MYO5A: variants seen among roughly 807,000 people sequenced by gnomAD.
MYO5A encodes unconventional myosin-Va.
Under a neutral mutation model 249.7 loss-of-function variants are expected in MYO5A, and 98 were observed. The observed-to-expected ratio is 0.39, with a 90% CI of 0.33 to 0.46. MYO5A has a LOEUF of 0.46. Ranked by LOEUF, MYO5A falls within the 20% of genes least tolerant of loss-of-function variation. The probability of loss-of-function intolerance (pLI) is 0.98; values close to 1 mark genes in which losing one functional copy is unlikely to be tolerated. For missense variants in MYO5A, 1,696 were observed against 2,308.8 expected (o/e 0.73, Z 5.44); for synonymous variants, 778 against 810.6 (o/e 0.96, Z 0.68).
chr15:52,326,081 T>C (rs1053415532), intron 36 of MYO5A, among the ~76,000 whole-genome samples: 3 of 152,204 alleles, frequency 2.0e-5, no homozygotes, highest in Non-Finnish European at 4.4e-5. Context: ...TTAGGGCCGA[T>C]GGCAAAAAAC....
intron 3 of MYO5A, among the ~76,000 whole-genome samples, chr15:52,426,959 T>C (rs1475866476): frequency 6.6e-6 from 1 of 151,838 alleles, no homozygotes; most frequent in East Asian, 1.9e-4. Context: ...CAGACAAGAC[T>C]TCACTGAGAA....
intron 8 of MYO5A, 33 bp downstream of exon 8, chr15:52,407,259 C>T (rs1191165515): frequency 6.7e-7 from 1 of 1,487,356 alleles, no homozygotes; most frequent in Non-Finnish European, 9.4e-7. Context: ...AAAAGCTATT[C>T]CTCTTAAGAG....
rs766253722 is a variant in MYO5A at position 52,340,303 on chromosome 15, TCTC to T, written c.4129_4131del (p.Glu1377del). 5.0e-6 allele frequency: 8 copies of T among 1,613,876 alleles called. No individual in the cohort carries two copies. The highest frequency in any genetic ancestry group is 2.7e-5 in the African/African-American group (2 of 74,850). On this transcript the variant is annotated inframe_deletion, in exon 32 of 42. Coordinates refer to ENST00000399233, the MANE Select transcript of MYO5A (RefSeq NM_001382347.1). ...GCCAGCAGCTGCTGCTGTCGGTTGT[TCTC>T]CTCCTTCAGGCTCTGGATCTCCCCA...
intron 9 of MYO5A, among the ~76,000 whole-genome samples, chr15:52,403,746 A>T (rs572800236): frequency 6.6e-6 from 1 of 152,240 alleles, no homozygotes; most frequent in African/African-American, 2.4e-5. Flanking sequence ...ATGTTTCATT[A>T]GAAGAAATGA....
chr15:52,359,798 G>A (rs1384217464), intron 25 of MYO5A, among the ~76,000 whole-genome samples, 170 bp downstream of exon 25: 1 of 152,120 alleles, frequency 6.6e-6, no homozygotes, highest in African/African-American at 2.4e-5. Flanking sequence ...CAGCACTTAA[G>A]TATACAAAAA....
At chr15:52,460,053 G>A (rs1026843732) in intron 1 of MYO5A, among the ~76,000 whole-genome samples, 6 of 151,426 alleles carry the variant, frequency 4.0e-5, no homozygotes, top group African/African-American at 1.2e-4. Context: ...CAGACGGGGC[G>A]GCGGGGCAGA....
rs377578838 is a variant in MYO5A at position 52,330,542 on chromosome 15, A to G, written c.4409-43T>C. 2.7e-4 allele frequency: 427 copies of G among 1,609,878 alleles called. 1 individual carries two copies. Among genetic ancestry groups the G allele is most frequent in the Admixed American group, 6.5e-4 (39 of 59,950 alleles). ...AAGGAGGAGAAAATGTTTTCCATAT[A>G]AAAAACATGAGAGGTCTCCAAGTTC... On this transcript the variant is annotated intron_variant, in intron 34 of 41. Transcript: ENST00000399233.
intron 33 of MYO5A, among the ~76,000 whole-genome samples, 175 bp downstream of exon 33, chr15:52,337,635 C>T (rs2039178543): frequency 6.6e-6 from 1 of 152,296 alleles, no homozygotes; most frequent in South Asian, 2.1e-4. Context: ...ACAATGGACT[C>T]AGGACACTGA....
chr15:52,341,923 T>C (rs1188311172), intron 31 of MYO5A, among the ~76,000 whole-genome samples: 1 of 152,240 alleles, frequency 6.6e-6, no homozygotes, highest in Non-Finnish European at 1.5e-5. Context: ...ATTTAACGGG[T>C]TGAATTTGGG....
intron 6 of MYO5A, 92 bp from the exon 7 acceptor site, chr15:52,408,232 CAGTT>C (rs1266977395): frequency 8.2e-6 from 6 of 735,294 alleles, no homozygotes; most frequent in Non-Finnish European, 1.4e-5. Context: ...TTAATTATCT[CAGTT>C]GGTTAAATAA....
intron 1 of MYO5A, among the ~76,000 whole-genome samples, chr15:52,441,250 C>T (rs1002688087): frequency 6.6e-6 from 1 of 151,944 alleles, no homozygotes; most frequent in African/African-American, 2.4e-5. Context: ...GAAAATTGCC[C>T]CCCTTAGTAA....
At chr15:52,505,237 G>A in intron 1 of MYO5A, 1 of 774,524 alleles carries the variant, frequency 1.3e-6, no homozygotes, top group Non-Finnish European at 2.4e-6. Context: ...GGTGCTCAAT[G>A]ATTACCTGAC....
At chr15:52,470,344 A>G (rs1328416483) in intron 1 of MYO5A, among the ~76,000 whole-genome samples, 1 of 152,136 alleles carries the variant, frequency 6.6e-6, no homozygotes, top group Non-Finnish European at 1.5e-5. Context: ...GCCCAATATC[A>G]AAGGAACTTT....
intron 11 of MYO5A, among the ~76,000 whole-genome samples, chr15:52,395,720 C>T (rs190215442): frequency 3.1e-4 from 47 of 152,304 alleles, no homozygotes; most frequent in African/African-American, 1.1e-3. Flanking sequence ...GATTCCAACT[C>T]ACACAGTTCA....
At chr15:52,375,202 A>T (rs2041342936) in intron 20 of MYO5A, 102 bp downstream of exon 20, 2 of 1,240,528 alleles carry the variant, frequency 1.6e-6, no homozygotes, top group Non-Finnish European at 1.2e-6. Flanking sequence ...TTGTCCCCAT[A>T]CAGTTCCTAC....
chr15:52,503,503 G>A (rs1024024240), intron 1 of MYO5A, among the ~76,000 whole-genome samples: 3 of 152,044 alleles, frequency 2.0e-5, no homozygotes, highest in South Asian at 2.1e-4. Flanking sequence ...GCATGGTGGC[G>A]CATATCTGTA....
At position 52,313,280 on chromosome 15, in the gene MYO5A, G is replaced by C. The variant is rs938028658; in HGVS notation, c.*416C>G. 1 of 221,516 alleles carries C rather than the reference G, an allele frequency of 4.5e-6. No individual in the cohort carries two copies. Among genetic ancestry groups the C allele is most frequent in the South Asian group, 7.2e-5 (1 of 13,838 alleles). 13.7% of individuals were successfully genotyped at this position (221,516 alleles called of 1,614,324 possible). A position where few individuals can be genotyped will look rare whatever the true frequency, so the allele number is the denominator to read the frequency against. On this transcript the variant is annotated 3_prime_UTR_variant, in exon 42 of 42. Coordinates refer to ENST00000399233, the MANE Select transcript of MYO5A (RefSeq NM_001382347.1). ...TGGAGACTTTTCTTTCCATTCTCCT[G>C]TTTAGTGCAGAGGAGGTTCTTTGGT...
intron 1 of MYO5A, among the ~76,000 whole-genome samples, chr15:52,503,615 A>G (rs1309143992): frequency 2.0e-5 from 3 of 152,176 alleles, no homozygotes; most frequent in Non-Finnish European, 4.4e-5. Flanking sequence ...TGGGTGACAG[A>G]GCAAGACCAT....
At chr15:52,343,264 G>A in intron 30 of MYO5A, 67 bp from the exon 31 acceptor site, 2 of 1,257,368 alleles carry the variant, frequency 1.6e-6, no homozygotes, top group Non-Finnish European at 2.3e-6. Flanking sequence ...GGTGACGATG[G>A]TCAACAGCAG....
Sources: gnomAD v4.1 joint callset for allele counts (sites outside exome capture counted in the v4.1 genomes callset) on GRCh38, gnomAD v4.1.1 for gene constraint, MANE v1.5 for transcripts, NCBI Gene and HGNC (gene_info 2026-07-23, HGNC 2026-07-21) for gene names.